Variants in ARID1A observed in about 807,000 individuals in gnomAD.
ARID1A encodes AT-rich interactive domain-containing protein 1A.
A neutral mutation model predicts 212.6 loss-of-function variants in ARID1A; 20 were observed. The observed-to-expected ratio is 0.09, with a 90% confidence interval of 0.07 to 0.14. The LOEUF (loss-of-function observed/expected upper bound fraction) is 0.14. Ranked by LOEUF, ARID1A falls within the 10% of genes least tolerant of loss-of-function variation. ARID1A has a pLI of 1.00. For missense variants in ARID1A, 2,587 were observed against 3,059.0 expected (o/e 0.85, Z 3.64); for synonymous variants, 1,376 against 1,222.1 (o/e 1.13, Z -2.63).
At chr1:26,723,345 G>A (rs1275071402) in intron 1 of ARID1A, among the ~76,000 whole-genome samples, 1 of 152,168 alleles carries the variant, frequency 6.6e-6, no homozygotes, top group East Asian at 1.9e-4. Flanking sequence ...ACAGGGGAGG[G>A]TCCCATACTG....
intron 1 of ARID1A, among the ~76,000 whole-genome samples, chr1:26,702,787 T>TG (rs1442764767): frequency 1.3e-5 from 2 of 152,158 alleles, no homozygotes; most frequent in African/African-American, 4.8e-5. Flanking sequence ...GAAACCTCTG[T>TG]GGCCCTGGCT....
intron 1 of ARID1A, among the ~76,000 whole-genome samples, chr1:26,709,114 G>A (rs755060301): frequency 1.5e-4 from 23 of 152,114 alleles, no homozygotes; most frequent in Admixed American, 2.0e-4. Context: ...AGGGCAGTAT[G>A]ACTTTAGGTA....
Position 26,697,509 on chromosome 1 carries a change from G to A in ARID1A, c.1106G>A (p.Gly369Asp). Reference protein sequence around the residue: ...HAPMSPGSSGGGGQPLARTPQ... With the variant: ...HAPMSPGSSGDGGQPLARTPQ... Reference sequence around the variant, plus strand: ...CCCATGAGCCCCGGGAGCAGCGGCGGCGGGGGGCAGCCGCTCGCCCGGACC... The same window carrying A: ...CCCATGAGCCCCGGGAGCAGCGGCGACGGGGGGCAGCCGCTCGCCCGGACC... The change falls in exon 1 of 20, where the codon GGC becomes GAC. Residue 369 changes from glycine (G) to aspartate (D), a missense_variant. Physicochemically the swap from Gly to Asp is moderately conservative, Grantham distance 94. Coordinates refer to ENST00000324856, the MANE Select transcript of ARID1A (RefSeq NM_006015.6). The A allele has an allele frequency of 7.1e-7, 1 of 1,406,566 alleles. No individual in the cohort carries two copies. The highest frequency in any genetic ancestry group is 9.2e-7 in the Non-Finnish European group (1 of 1,087,840). 87.1% of individuals were successfully genotyped at this position (1,406,566 alleles called of 1,614,324 possible). A position where few individuals can be genotyped will look rare whatever the true frequency, so the allele number is the denominator to read the frequency against.
chr1:26,767,767 G>C (rs1053174677), intron 10 of ARID1A, 23 bp from the exon 11 acceptor site: 23 of 1,587,516 alleles, frequency 1.4e-5, no homozygotes, highest in Middle Eastern at 1.7e-4. Context: ...CCATTCCTAT[G>C]AATTTTGACC....
chr1:26,746,379 A>G (rs915725592), intron 4 of ARID1A, among the ~76,000 whole-genome samples: 14 of 152,128 alleles, frequency 9.2e-5, no homozygotes, highest in Non-Finnish European at 1.8e-4. Context: ...TTTTCTGTCC[A>G]AAAAGATCAA....
At chr1:26,734,952 A>G (rs2080714989) in intron 4 of ARID1A, among the ~76,000 whole-genome samples, 1 of 152,156 alleles carries the variant, frequency 6.6e-6, no homozygotes. Flanking sequence ...CCTGGCCCTA[A>G]AGGCATTATG....
In ARID1A at chr1:26,780,957, T is replaced by G; in HGVS notation, c.*201T>G. The G allele has an allele frequency of 5.9e-6, 4 of 674,196 alleles. No homozygotes were observed. Among genetic ancestry groups the G allele is most frequent in the Non-Finnish European group, 9.4e-6 (4 of 423,632 alleles). 41.8% of individuals were successfully genotyped at this position (674,196 alleles called of 1,614,324 possible). ...CCCTCCATCACCTCACGCCTTTCTG[T>G]TCCTTGTCCTCACCTTACTCCCCTC... On this transcript the variant is annotated 3_prime_UTR_variant, in exon 20 of 20. Transcript: ENST00000324856. This position sits in a 1 kb window ranked among gnomAD's most constrained non-coding sequence, Gnocchi z 7.2.
intron 10 of ARID1A, 114 bp downstream of exon 10, chr1:26,766,680 T>TA: frequency 9.1e-7 from 1 of 1,104,886 alleles, no homozygotes; most frequent in South Asian, 1.7e-5. Context: ...CCGGACTAGA[T>TA]AGTCTCTGAA....
chr1:26,775,262 T>G lies in ARID1A; in HGVS notation c.4993+42T>G. ...CATTCGGTTGCCTAATCTGCCCCTT[T>G]CCATCTTGTCCATTGTTCCCTCCAC... On this transcript the variant is annotated intron_variant, in intron 18 of 19. Transcript: ENST00000324856. 3 of 1,527,376 alleles carry G rather than the reference T, an allele frequency of 2.0e-6. No individual in the cohort carries two copies. In the Admixed American group the frequency reaches 6.3e-5, roughly 32 times the overall value. The allele number at this position is 1,527,376 out of a possible 1,614,324, so 94.6% of individuals were successfully genotyped here.
At chr1:26,759,752 TACAA>T (rs2080973905) in intron 4 of ARID1A, among the ~76,000 whole-genome samples, 1 of 152,164 alleles carries the variant, frequency 6.6e-6, no homozygotes, top group South Asian at 2.1e-4. Context: ...AAGCAAAGCC[TACAA>T]ACAAATACCA....
At chr1:26,761,176 G>T (rs2124058003) in intron 5 of ARID1A, 80 bp downstream of exon 5, 2 of 1,556,330 alleles carry the variant, frequency 1.3e-6, no homozygotes. Flanking sequence ...TCTTCCACTG[G>T]CAGAGAAAGC....
At chr1:26,713,691 GC>G (rs1434840507) in intron 1 of ARID1A, among the ~76,000 whole-genome samples, 1 of 152,114 alleles carries the variant, frequency 6.6e-6, no homozygotes, top group Non-Finnish European at 1.5e-5. Context: ...TCTTGGAAAA[GC>G]CTGGCTAACT....
Position 26,779,195 on chromosome 1 carries a change from A to T in ARID1A, c.5297A>T (p.Glu1766Val), listed in dbSNP as rs1363371199. The T allele has an allele frequency of 6.2e-7, 1 of 1,610,702 alleles. No individual in the cohort carries two copies. The highest frequency in any genetic ancestry group is 8.5e-7 in the Non-Finnish European group (1 of 1,177,770). The change falls in exon 20 of 20, where the codon GAA (glutamate) becomes GTA (valine). Residue 1766 changes from glutamate (E) to valine (V), a missense_variant. By Grantham distance (121) the Glu-to-Val change is moderately radical. This residue lies in a region of ARID1A where 890 missense variants were observed against 1,098.2 expected (regional missense o/e 0.81). Coordinates refer to ENST00000324856, the MANE Select transcript of ARID1A (RefSeq NM_006015.6). ...PAPMEGGEEE[E>V]ELLGPKLEEE... ...CCCATGGAGGGTGGGGAAGAAGAAG[A>T]AGAACTTCTAGGTCCTAAACTAGAA...
intron 8 of ARID1A, among the ~76,000 whole-genome samples, chr1:26,763,511 G>T (rs2081011602): frequency 6.6e-6 from 1 of 152,242 alleles, no homozygotes; most frequent in Admixed American, 6.5e-5. Flanking sequence ...GGCGGCTCAT[G>T]CCTGTAATCC....
At chr1:26,700,702 A>G (rs1281924755) in intron 1 of ARID1A, among the ~76,000 whole-genome samples, 1 of 152,238 alleles carries the variant, frequency 6.6e-6, no homozygotes, top group Non-Finnish European at 1.5e-5. Flanking sequence ...ATCAAATGAT[A>G]TTTCTGACTC....
rs2081166554 is a variant in ARID1A at position 26,779,210 on chromosome 1, C to G, written c.5312C>G (p.Pro1771Arg). Residue 1771 changes from proline to arginine, a missense_variant, in exon 20 of 20, where the codon CCT becomes CGT. Pro to Arg is a moderately radical substitution (Grantham distance 103). This residue lies in a region of ARID1A where 890 missense variants were observed against 1,098.2 expected (regional missense o/e 0.81). Transcript: ENST00000324856. ...GAAGAAGAAGAAGAACTTCTAGGTC[C>G]TAAACTAGAAGAGGAAGAAGAAGAG... ...GGEEEEELLG[P>R]KLEEEEEEEV... 1 of 1,613,050 alleles carries G rather than the reference C, an allele frequency of 6.2e-7. No homozygotes were observed. Among genetic ancestry groups the G allele is most frequent in the African/African-American group, 1.3e-5 (1 of 74,824 alleles).
At chr1:26,733,071 T>C (rs2080696021) in intron 4 of ARID1A, among the ~76,000 whole-genome samples, 1 of 152,196 alleles carries the variant, frequency 6.6e-6, no homozygotes, top group Non-Finnish European at 1.5e-5. Flanking sequence ...TCAGAAGCAC[T>C]GTCTGCTCTC....
At chr1:26,760,515 C>G (rs899654110) in intron 4 of ARID1A, among the ~76,000 whole-genome samples, 10 of 151,812 alleles carry the variant, frequency 6.6e-5, no homozygotes, top group African/African-American at 2.4e-4. Context: ...TGGAGAAAAC[C>G]CGTCTCTACT....
intron 2 of ARID1A, among the ~76,000 whole-genome samples, chr1:26,730,540 AT>A (rs2080664553): frequency 6.6e-6 from 1 of 152,200 alleles, no homozygotes; most frequent in South Asian, 2.1e-4. Context: ...AATATAGAAA[AT>A]TGTCTCTTTT....
Sources: gnomAD v4.1 joint callset for allele counts (sites outside exome capture counted in the v4.1 genomes callset) on GRCh38, gnomAD v4.1.1 for gene constraint, gnomAD v4.1.1 regional missense constraint, Gnocchi (gnomAD v3.1) non-coding constraint, MANE v1.5 for transcripts, NCBI Gene and HGNC (gene_info 2026-07-23, HGNC 2026-07-21) for gene names.